RIF1: variants seen among roughly 807,000 people sequenced by gnomAD.
RIF1 encodes replication timing regulatory factor 1.
Under a neutral mutation model 247.1 loss-of-function variants are expected in RIF1, and 45 were observed. The observed-to-expected ratio is 0.18, with a 90% confidence interval of 0.14 to 0.23. The LOEUF (loss-of-function observed/expected upper bound fraction) is 0.23, where lower values mean the gene tolerates loss of function less well. Among genes scored for constraint, RIF1 ranks in the 10% least tolerant of loss-of-function variants. The pLI, the probability that RIF1 is intolerant of heterozygous loss-of-function variation, is 1.00. For missense variants in RIF1, 2,967 were observed against 2,862.5 expected (o/e 1.04, Z -0.83); for synonymous variants, 1,087 against 978.8 (o/e 1.11, Z -2.06).
rs761568427 is a variant in RIF1, at chr2:151,465,112, G to A, written c.5592G>A (p.Pro1864=). The part of the protein sequence containing the change: ...SPNENFKTVG[P]CLGDSKNVSQ... The stretch of plus-strand genomic sequence containing the variant: ...ATGAAAATTTTAAAACTGTTGGCCC[G>A]TGTTTAGGAGACTCGAAAAATGTTT... Residue 1864 remains proline, a synonymous_variant, in exon 30 of 36, where the codon CCG becomes CCA. Coordinates refer to ENST00000444746, the MANE Select transcript of RIF1 (RefSeq NM_018151.5). The A allele has an allele frequency of 4.2e-5, 68 of 1,611,372 alleles. No homozygotes were observed. Among genetic ancestry groups the A allele is most frequent in the Non-Finnish European group, 5.3e-5 (63 of 1,179,470 alleles).
chr2:151,518,936 C>T, the RIF1 span: 1 of 1,502,696 alleles, frequency 6.7e-7, no homozygotes, highest in Non-Finnish European at 9.3e-7. Flanking sequence ...GTAAAACAAG[C>T]TGTTTCTGGA....
At chr2:151,457,038 C>A (rs562918424) in intron 23 of RIF1, among the ~76,000 whole-genome samples, 1 of 151,440 alleles carries the variant, frequency 6.6e-6, no homozygotes, top group South Asian at 2.1e-4. Context: ...TTGTCCTGTT[C>A]TTCATTTTTA....
At position 151,455,187 on chromosome 2, in the gene RIF1, A is replaced by C. The variant is rs778816613; in HGVS notation, c.2609+28A>C. 4.8e-5 allele frequency: 74 copies of C among 1,529,394 alleles called. 2 individuals carry two copies. The Admixed American group carries it at 1.1e-3, about 23-fold the overall frequency. 94.7% of individuals were successfully genotyped at this position (1,529,394 alleles called of 1,614,324 possible). ...AAGTATTTTGGACTAAGTAGCTTTG[A>C]ATTAAATGTATACAATTTAAATATA... On this transcript the variant is annotated intron_variant, in intron 22 of 35. Transcript: ENST00000444746.
intron 4 of RIF1, among the ~76,000 whole-genome samples, chr2:151,415,379 C>T (rs1252990590): frequency 2.0e-5 from 3 of 150,956 alleles, no homozygotes; most frequent in Non-Finnish European, 4.4e-5. Context: ...TTATCATTAC[C>T]TACACATAGC....
intron 33 of RIF1, 49 bp from the exon 34 acceptor site, chr2:151,469,662 A>G (rs754533824): frequency 3.8e-6 from 5 of 1,332,906 alleles, no homozygotes; most frequent in East Asian, 5.2e-5. Flanking sequence ...TGCAAATAGC[A>G]TATAAATAAA....
At position 151,481,633 on chromosome 2, in the gene RIF1, TAAG is replaced by T. The variant is rs1330375253; in HGVS notation, c.*6563_*6565del. On this transcript the variant is annotated 3_prime_UTR_variant, in exon 36 of 36. Transcript: ENST00000444746. Reference sequence around the variant, plus strand: ...TATTTGATAAGTCTTAAAAATGATTTAAGTTGAAGCCTAACAGAAGTACTTGTT... The same window carrying T: ...TATTTGATAAGTCTTAAAAATGATTTTTGAAGCCTAACAGAAGTACTTGTT... The T allele has an allele frequency of 6.6e-6, 1 of 152,262 alleles. No individual in the cohort carries two copies. Among genetic ancestry groups the T allele is most frequent in the Non-Finnish European group, 1.5e-5 (1 of 68,046 alleles). The allele number at this position is 152,262 out of a possible 1,614,324, so 9.4% of individuals were successfully genotyped here. A position where few individuals can be genotyped will look rare whatever the true frequency, so the allele number is the denominator to read the frequency against.
chr2:151,466,412 C>T (rs1054651018), intron 30 of RIF1, among the ~76,000 whole-genome samples: 5 of 152,206 alleles, frequency 3.3e-5, no homozygotes, highest in African/African-American at 1.2e-4. Flanking sequence ...TTCTGCTCCC[C>T]ATACCATAAT....
chr2:151,498,643 C>T (rs879386031), intron 10 of RIF1, among the ~76,000 whole-genome samples: 1 of 152,096 alleles, frequency 6.6e-6, no homozygotes, highest in Non-Finnish European at 1.5e-5. Context: ...TTAGTCTTTT[C>T]CCACCTTGTT....
chr2:151,416,737 G>GA, intron 5 of RIF1, 49 bp downstream of exon 5: 2 of 1,600,876 alleles, frequency 1.2e-6, no homozygotes, highest in South Asian at 2.3e-5. Flanking sequence ...CCAATTAAAA[G>GA]AAAAAACTAT....
the RIF1 span, chr2:151,514,988 C>T: frequency 9.3e-7 from 1 of 1,070,000 alleles, no homozygotes; most frequent in Non-Finnish European, 1.4e-6. Flanking sequence ...ATATATCTCT[C>T]CATCTCAGGA....
Position 151,416,644 on chromosome 2 carries a change from G to T in RIF1, c.364G>T (p.Val122Leu). ...DKNVRTRALW[V>L]ISKQTFPSEV... is the part of the protein sequence containing the mutation. Reference sequence around the variant, plus strand: ...AAATGTACGTACTAGAGCACTTTGGGTGATATCTAAGCAGACATTTCCCTC... The same window carrying T: ...AAATGTACGTACTAGAGCACTTTGGTTGATATCTAAGCAGACATTTCCCTC... Residue 122 changes from valine (V) to leucine (L), a missense_variant, in exon 5 of 36, where the codon GTG becomes TTG. By Grantham distance (32) the Val-to-Leu change is conservative (BLOSUM62 1). This residue lies in a region of RIF1 where 269 missense variants were observed against 288.6 expected (regional missense o/e 0.93). Transcript: ENST00000444746. The T allele has an allele frequency of 6.2e-7, 1 of 1,612,494 alleles. No individual in the cohort carries two copies. Among genetic ancestry groups the T allele is most frequent in the Non-Finnish European group, 8.5e-7 (1 of 1,179,624 alleles).
rs554303939 is a variant in RIF1 at position 151,490,281 on chromosome 2, A to T, written c.*416-4948A>T. ...TTAAAGGAAAGGATGAAAAATTTTTAAATTTGTTTTTGTACTCAAAGCATC... is the reference window on the plus strand; with the variant it reads ...TTAAAGGAAAGGATGAAAAATTTTTTAATTTGTTTTTGTACTCAAAGCATC... On this transcript the variant is annotated intron_variant and NMD_transcript_variant, in intron 9 of 13. Transcript: ENST00000454583. The T allele has an allele frequency of 2.9e-5, 42 of 1,466,558 alleles. No homozygotes were observed. In the African/African-American group the frequency reaches 5.4e-4, roughly 19 times the overall value. The allele number at this position is 1,466,558 out of a possible 1,614,324, so 90.8% of individuals were successfully genotyped here.
chr2:151,457,992 C>T (rs751891945), intron 24 of RIF1, 29 bp downstream of exon 24: 1 of 1,472,544 alleles, frequency 6.8e-7, no homozygotes, highest in East Asian at 2.3e-5. Flanking sequence ...TTATATACAA[C>T]TAACTATTCT....
At chr2:151,519,056 G>A in the RIF1 span, 3 of 1,610,070 alleles carry the variant, frequency 1.9e-6, no homozygotes, top group South Asian at 3.3e-5. Flanking sequence ...CTTCAGGTCA[G>A]CCTTGTATTT....
the RIF1 span, among the ~76,000 whole-genome samples, chr2:151,529,828 C>G: frequency 2.0e-5 from 3 of 152,176 alleles, no homozygotes; most frequent in Non-Finnish European, 4.4e-5. Flanking sequence ...CTGTGCCCAG[C>G]CTGCCATATA....
chr2:151,514,411 A>T, the RIF1 span: 1 of 1,612,028 alleles, frequency 6.2e-7, no homozygotes, highest in Non-Finnish European at 8.5e-7. Flanking sequence ...TTTCCTCTAG[A>T]TCTTTCCTGT....
In RIF1 at chr2:151,420,396, GTAAGAATT is replaced by G; in HGVS notation, c.693+19_693+26del. 1 of 1,611,750 alleles carries G rather than the reference GTAAGAATT, an allele frequency of 6.2e-7. No homozygotes were observed. Among genetic ancestry groups the G allele is most frequent in the South Asian group, 1.1e-5 (1 of 90,932 alleles). ...ATGACTACTGTGAGTGTTCTTTTAT[GTAAGAATT>G]TTCTGGATACTGCATCGGAAGGTTC... On this transcript the variant is annotated intron_variant, in intron 7 of 35. Coordinates refer to ENST00000444746, the MANE Select transcript of RIF1 (RefSeq NM_018151.5).
chr2:151,419,703 G>T (rs182899338), intron 6 of RIF1, among the ~76,000 whole-genome samples: 2 of 152,054 alleles, frequency 1.3e-5, no homozygotes, highest in East Asian at 1.9e-4. Flanking sequence ...GAATGAGAGC[G>T]CAGTAGATTT....
At chr2:151,426,659 G>GT (rs201896640) in intron 8 of RIF1, among the ~76,000 whole-genome samples, 2,373 of 145,800 alleles carry the variant, frequency 0.016, 67 homozygotes, top group African/African-American at 0.053. Context: ...TTTATTTAGG[G>GT]TTTTTTTTTT....
Sources: allele counts gnomAD v4.1 joint callset (sites outside exome capture counted in the v4.1 genomes callset), GRCh38; gene constraint gnomAD v4.1.1; regional missense constraint gnomAD v4.1.1; transcripts MANE v1.5; gene names NCBI Gene and HGNC (gene_info 2026-07-23, HGNC 2026-07-21).